FARP2: variants seen among roughly 807,000 people sequenced by gnomAD.
FARP2 encodes FERM, ARH/RhoGEF and pleckstrin domain protein 2, also known as FERM, ARHGEF and pleckstrin domain-containing protein 2.
In FARP2, 111 loss-of-function variants were observed where a neutral mutation model predicts 130.5. The observed-to-expected ratio is 0.85, with a 90% confidence interval of 0.73 to 1.00. The LOEUF (loss-of-function observed/expected upper bound fraction) is 1.00. FARP2 is among the 50% of genes least tolerant of loss of function. FARP2 has a pLI of 0.00. For missense variants in FARP2, 1,385 were observed against 1,346.3 expected (o/e 1.03, Z -0.45); for synonymous variants, 504 against 516.9 (o/e 0.98, Z 0.34).
chr2:241,407,829 T>A (rs2062402971), intron 5 of FARP2, among the ~76,000 whole-genome samples: 1 of 152,120 alleles, frequency 6.6e-6, no homozygotes, highest in South Asian at 2.1e-4. Context: ...CAGTACAAAT[T>A]TGAAAATAAA....
intron 1 of FARP2, among the ~76,000 whole-genome samples, chr2:241,367,182 C>G (rs2061337342): frequency 6.6e-6 from 1 of 152,084 alleles, no homozygotes; most frequent in Non-Finnish European, 1.5e-5. Context: ...TTCTGCAGCA[C>G]CCTTCTCCCC....
At position 241,463,372 on chromosome 2, in the gene FARP2, C is replaced by T. The variant is rs1256591687; in HGVS notation, c.1715C>T (p.Pro572Leu). 1.2e-6 allele frequency: 2 copies of T among 1,614,132 alleles called. No homozygotes were observed. Among genetic ancestry groups the T allele is most frequent in the East Asian group, 2.2e-5 (1 of 44,868 alleles). ...GCAGTGGTGAAGGAGGACGCCATGC[C>T]TGCGACTCTGATGACGCTGCTCTTC... ...RSAVVKEDAM[P>L]ATLMTLLFSN... Residue 572 changes from proline to leucine, a missense_variant, in exon 16 of 27, where the codon CCT becomes CTT. Physicochemically the swap from Pro to Leu is moderately conservative, Grantham distance 98. Coordinates refer to ENST00000264042, the MANE Select transcript of FARP2 (RefSeq NM_014808.4).
In FARP2 at chr2:241,463,896, C is replaced by G; in HGVS notation, c.1812-3C>G. 1.2e-6 allele frequency: 2 copies of G among 1,613,146 alleles called. No individual in the cohort carries two copies. On this transcript the variant is annotated splice_region_variant and splice_polypyrimidine_tract_variant and intron_variant, in intron 16 of 26. Transcript: ENST00000264042. ...TAGGATGACTTTGTTTCTTTTTACT[C>G]AGGGAAGGGCCCTCCAAAGCCCACA... is the stretch of plus-strand genomic sequence containing the variant.
At chr2:241,431,635 A>T (rs1215827700) in intron 8 of FARP2, 44 bp from the exon 9 acceptor site, 4 of 951,474 alleles carry the variant, frequency 4.2e-6, no homozygotes, top group Non-Finnish European at 6.9e-6. Flanking sequence ...GAAAGGGGTT[A>T]TGTGCCAGAT....
intron 5 of FARP2, among the ~76,000 whole-genome samples, chr2:241,410,356 C>A (rs918876603): frequency 3.2e-4 from 49 of 152,052 alleles, no homozygotes; most frequent in African/African-American, 1.1e-3. Flanking sequence ...AATTTGTGAC[C>A]TTCCTCCTTG....
At chr2:241,380,392 TC>T (rs1476165202) in intron 2 of FARP2, among the ~76,000 whole-genome samples, 9 of 152,070 alleles carry the variant, frequency 5.9e-5, no homozygotes, top group Admixed American at 3.3e-4. Flanking sequence ...CCCATGTAAC[TC>T]CCCCATTTTT....
In FARP2 at chr2:241,483,721, A is replaced by G. The variant is rs956608010; in HGVS notation, c.2331+188A>G. 3.4e-6 allele frequency: 3 copies of G among 877,562 alleles called. No homozygotes were observed. In the African/African-American group the frequency reaches 5.5e-5, roughly 16 times the overall value. The allele number at this position is 877,562 out of a possible 1,614,324, so 54.4% of individuals were successfully genotyped here. The stretch of plus-strand genomic sequence containing the variant: ...AGGGTCACAGAGTGGGAAGAAGCAG[A>G]AAACAGCTTCCCCACCCACCCCAGG... On this transcript the variant is annotated intron_variant, in intron 20 of 26. Transcript: ENST00000264042.
intron 24 of FARP2, among the ~76,000 whole-genome samples, chr2:241,491,944 T>C (rs13424827): frequency 5.3e-5 from 8 of 152,254 alleles, no homozygotes; most frequent in Middle Eastern, 3.4e-3. Context: ...TGGTGTGTAG[T>C]GGAGCTGAGA....
rs776871124 is a variant in FARP2, at chr2:241,431,691, A to G, written c.784A>G (p.Ile262Val). 1 of 1,591,192 alleles carries G rather than the reference A, an allele frequency of 6.3e-7. No homozygotes were observed. The highest frequency in any genetic ancestry group is 8.6e-7 in the Non-Finnish European group (1 of 1,162,234). ...GVLVFQGTTK[I>V]NTFNWSKVRK... is the part of the protein sequence containing the mutation. Reference sequence around the variant, plus strand: ...TCTTGCATTTCAGGGCACCACCAAAATCAACACTTTCAACTGGTCCAAGGT... The same window carrying G: ...TCTTGCATTTCAGGGCACCACCAAAGTCAACACTTTCAACTGGTCCAAGGT... Residue 262 changes from isoleucine (I) to valine (V), a missense_variant, in exon 9 of 27, where the codon ATC becomes GTC. By Grantham distance (29) the Ile-to-Val change is conservative (BLOSUM62 3). Coordinates refer to ENST00000264042, the MANE Select transcript of FARP2 (RefSeq NM_014808.4).
At chr2:241,432,302 C>T (rs2063113119) in intron 9 of FARP2, 1 of 152,420 alleles carries the variant, frequency 6.6e-6, no homozygotes, top group Admixed American at 6.5e-5. Flanking sequence ...CACTTACCTC[C>T]CCCAGGAACT....
At chr2:241,441,721 G>A (rs780387875) in intron 13 of FARP2, 165 bp downstream of exon 13, 159 of 1,061,310 alleles carry the variant, frequency 1.5e-4, no homozygotes, top group Non-Finnish European at 2.0e-4. Flanking sequence ...ATTTCCTTCC[G>A]GTGGGGAGCA....
rs1178076529 is a variant in FARP2 at position 241,459,287 on chromosome 2, A to C, written c.1587+2365A>C. On this transcript the variant is annotated intron_variant, in intron 14 of 26. Transcript: ENST00000264042. The surrounding 1 kb of genome is among the most constrained non-coding windows in gnomAD (Gnocchi z 5.3). ...CAGGTTCTGGGGAGACCCCGGCCCCACATTCACTGACGGTTCTGCTGGCAA... is the reference window on the plus strand; with the variant it reads ...CAGGTTCTGGGGAGACCCCGGCCCCCCATTCACTGACGGTTCTGCTGGCAA... Among the ~76,000 whole-genome samples the C allele has an allele frequency of 6.6e-6, 1 of 152,208 alleles. No individual in the cohort carries two copies. Among genetic ancestry groups the C allele is most frequent in the Non-Finnish European group, 1.5e-5 (1 of 68,024 alleles).
intron 13 of FARP2, among the ~76,000 whole-genome samples, chr2:241,451,728 A>T (rs533974304): frequency 6.6e-6 from 1 of 152,104 alleles, no homozygotes; most frequent in Non-Finnish European, 1.5e-5. Context: ...CTAAAACTTG[A>T]TATTTAGCAT....
At chr2:241,399,634 A>C (rs1203273423) in intron 2 of FARP2, among the ~76,000 whole-genome samples, 3 of 152,050 alleles carry the variant, frequency 2.0e-5, no homozygotes, top group African/African-American at 7.2e-5. Context: ...TTGTATTGCA[A>C]CTATCTTCTA....
At chr2:241,373,609 C>G (rs570295956) in intron 2 of FARP2, among the ~76,000 whole-genome samples, 198 of 152,290 alleles carry the variant, frequency 1.3e-3, no homozygotes, top group Non-Finnish European at 2.3e-3. Flanking sequence ...CTTAAGCCAC[C>G]TGGTCTCAGC....
At chr2:241,439,164 T>C (rs2063321874) in intron 12 of FARP2, among the ~76,000 whole-genome samples, 1 of 151,706 alleles carries the variant, frequency 6.6e-6, no homozygotes, top group African/African-American at 2.4e-5. Context: ...TACAGGTGCA[T>C]GCCACCGCAC....
chr2:241,462,409 A>G (rs1304619813), intron 14 of FARP2, 114 bp from the exon 15 acceptor site: 8 of 676,668 alleles, frequency 1.2e-5, no homozygotes, highest in Admixed American at 4.9e-5. Flanking sequence ...TGAAAACCCC[A>G]TGACGATGTT....
chr2:241,418,449 C>G (rs1019214697), intron 8 of FARP2, among the ~76,000 whole-genome samples: 1 of 152,116 alleles, frequency 6.6e-6, no homozygotes, highest in Non-Finnish European at 1.5e-5. Context: ...CGGCCTACCC[C>G]CTTAGGATCC....
intron 11 of FARP2, among the ~76,000 whole-genome samples, chr2:241,435,580 C>T (rs1263927583): frequency 2.7e-5 from 4 of 147,372 alleles, no homozygotes; most frequent in East Asian, 2.0e-4. Flanking sequence ...GGTGCGATCT[C>T]GGCTCACTGC....
Sources: gnomAD v4.1 joint callset for allele counts (sites outside exome capture counted in the v4.1 genomes callset) on GRCh38, gnomAD v4.1.1 for gene constraint, Gnocchi (gnomAD v3.1) non-coding constraint, MANE v1.5 for transcripts, NCBI Gene and HGNC (gene_info 2026-07-23, HGNC 2026-07-21) for gene names.